PPP2R2D: variants seen among roughly 807,000 people sequenced by gnomAD.
The protein encoded by PPP2R2D is protein phosphatase 2 regulatory subunit Bdelta.
PPP2R2D carries 9 observed loss-of-function variants against 31.1 expected under a neutral mutation model. The ratio of observed to expected loss-of-function variants is 0.29; its 90% confidence interval spans 0.17 to 0.51. The LOEUF (loss-of-function observed/expected upper bound fraction) is 0.51. PPP2R2D is among the 20% of genes least tolerant of loss of function. The probability of loss-of-function intolerance (pLI) is 0.98; values close to 1 mark genes in which losing one functional copy is unlikely to be tolerated. For synonymous variants in PPP2R2D, 179 were observed against 172.6 expected, an observed-to-expected ratio of 1.04 and a Z score of -0.29; for missense variants, 391 against 465.6, an observed-to-expected ratio of 0.84 and a Z score of 1.48.
Position 131,956,450 on chromosome 10 carries a change from C to G in PPP2R2D, c.*487C>G. The stretch of plus-strand genomic sequence containing the variant: ...TGTGGATGTGTGGATGTGGCCCGAG[C>G]AGGCTCAGGCGGCCCCACTCACCCA... On this transcript the variant is annotated 3_prime_UTR_variant, in exon 9 of 9. Transcript: ENST00000455566. 1 of 985,688 alleles carries G rather than the reference C, an allele frequency of 1.0e-6. No homozygotes were observed. The highest frequency in any genetic ancestry group is 1.2e-6 in the Non-Finnish European group (1 of 830,114). 61.1% of individuals were successfully genotyped at this position (985,688 alleles called of 1,614,324 possible).
At chr10:131,931,034 GC>G (rs1455577497) in intron 2 of PPP2R2D, among the ~76,000 whole-genome samples, 4 of 152,172 alleles carry the variant, frequency 2.6e-5, no homozygotes, top group Non-Finnish European at 5.9e-5. Context: ...GGGTGTCCTG[GC>G]TGAGACCAGC....
At chr10:131,951,055 C>CAA (rs1462908689) in intron 8 of PPP2R2D, among the ~76,000 whole-genome samples, 1 of 152,132 alleles carries the variant, frequency 6.6e-6, no homozygotes, top group Non-Finnish European at 1.5e-5. Context: ...CAGAAAAGAG[C>CAA]AAAAACCATG....
chr10:131,943,042 C>T (rs1489408100), intron 5 of PPP2R2D, among the ~76,000 whole-genome samples: 3 of 152,202 alleles, frequency 2.0e-5, no homozygotes, highest in Non-Finnish European at 2.9e-5. Flanking sequence ...TTTCTAATTA[C>T]AAGAATAACA....
At chr10:131,907,156 T>C (rs2035603497) in intron 2 of PPP2R2D, among the ~76,000 whole-genome samples, 1 of 152,178 alleles carries the variant, frequency 6.6e-6, no homozygotes, top group Non-Finnish European at 1.5e-5. Context: ...TATTGATTTC[T>C]TCTGTGTACA....
Position 131,956,392 on chromosome 10 carries a change from C to T in PPP2R2D, c.*429C>T. ...AGCGTGGTGTGGCCACCGTCCGTGTCCTCTCGGCCTTCCTCCGAGTCCAGG... is the reference window on the plus strand; with the variant it reads ...AGCGTGGTGTGGCCACCGTCCGTGTTCTCTCGGCCTTCCTCCGAGTCCAGG... On this transcript the variant is annotated 3_prime_UTR_variant, in exon 9 of 9. Coordinates refer to ENST00000455566, the MANE Select transcript of PPP2R2D (RefSeq NM_018461.5). The T allele has an allele frequency of 1.0e-6, 1 of 986,292 alleles. No homozygotes were observed. The highest frequency in any genetic ancestry group is 1.2e-6 in the Non-Finnish European group (1 of 830,544). The allele number at this position is 986,292 out of a possible 1,614,324, so 61.1% of individuals were successfully genotyped here.
intron 4 of PPP2R2D, among the ~76,000 whole-genome samples, 177 bp downstream of exon 4, chr10:131,940,373 A>ACGTG (rs1409783638): frequency 2.0e-5 from 3 of 151,946 alleles, no homozygotes; most frequent in African/African-American, 7.3e-5. Context: ...CAAAAACCAC[A>ACGTG]CGTGCACTTT....
intron 2 of PPP2R2D, among the ~76,000 whole-genome samples, chr10:131,929,382 G>A (rs2036168328): frequency 6.6e-6 from 1 of 152,218 alleles, no homozygotes; most frequent in Non-Finnish European, 1.5e-5. Context: ...GCTTTGTGTT[G>A]TCTTGAGGCC....
rs782240954 is a variant in PPP2R2D, at chr10:131,945,561, G to A, written c.820+102G>A. On this transcript the variant is annotated intron_variant, in intron 7 of 8. Coordinates refer to ENST00000455566, the MANE Select transcript of PPP2R2D (RefSeq NM_018461.5). This position sits in a 1 kb window ranked among gnomAD's most constrained non-coding sequence, Gnocchi z 4.8. ...GGCAAGCTCCGCCTCCCGGGTTCCA[G>A]CAAGTCTTCTGCCTCGGCCTCCCGA... 13 of 1,387,358 alleles carry A rather than the reference G, an allele frequency of 9.4e-6. No homozygotes were observed. Among genetic ancestry groups the A allele is most frequent in the Non-Finnish European group, 1.3e-5 (13 of 1,030,576 alleles). The allele number at this position is 1,387,358 out of a possible 1,614,324, so 85.9% of individuals were successfully genotyped here.
At chr10:131,917,885 T>G (rs1230730198) in intron 2 of PPP2R2D, among the ~76,000 whole-genome samples, 2 of 129,490 alleles carry the variant, frequency 1.5e-5, no homozygotes, top group Non-Finnish European at 1.7e-5. Flanking sequence ...ACACAGTGTT[T>G]GCAGGGACCT....
intron 8 of PPP2R2D, among the ~76,000 whole-genome samples, chr10:131,952,107 C>T (rs34105061): frequency 0.1 from 13,476 of 132,962 alleles, 798 homozygotes; most frequent in Non-Finnish European, 0.13. Flanking sequence ...CAGGGGGGTT[C>T]GCTGTCTTAG....
At chr10:131,918,227 T>C (rs1385857136) in intron 2 of PPP2R2D, among the ~76,000 whole-genome samples, 1 of 141,272 alleles carries the variant, frequency 7.1e-6, no homozygotes, top group African/African-American at 2.7e-5. Flanking sequence ...AATGACACAG[T>C]GTTTGTAGGG....
Position 131,901,297 on chromosome 10 carries a change from G to C in PPP2R2D, c.67G>C (p.Val23Leu), listed in dbSNP as rs1438873521. The change falls in exon 2 of 9, where the codon GTC becomes CTC. Residue 23 changes from valine to leucine, a missense_variant. By Grantham distance (32) the Val-to-Leu change is conservative (BLOSUM62 1). Transcript: ENST00000455566. Reference sequence around the variant, plus strand: ...CGACTTCCAGTGGTGCTTCTCGCAGGTCAAGGGGGCCATCGACGAGGACGT... The same window carrying C: ...CGACTTCCAGTGGTGCTTCTCGCAGCTCAAGGGGGCCATCGACGAGGACGT... ...GNDFQWCFSQ[V>L]KGAIDEDVAE... is the part of the protein sequence containing the mutation. The C allele has an allele frequency of 2.8e-6, 1 of 360,590 alleles. No homozygotes were observed. The highest frequency in any genetic ancestry group is 4.0e-5 in the East Asian group (1 of 24,710). The allele number at this position is 360,590 out of a possible 1,614,324, so 22.3% of individuals were successfully genotyped here. A position where few individuals can be genotyped will look rare whatever the true frequency, so the allele number is the denominator to read the frequency against.
intron 2 of PPP2R2D, among the ~76,000 whole-genome samples, chr10:131,915,623 T>C (rs936044874): frequency 1.3e-5 from 2 of 152,140 alleles, no homozygotes; most frequent in Non-Finnish European, 2.9e-5. Flanking sequence ...TGAGTGTTTA[T>C]CCAAATAGAT....
rs782508839 is a variant in PPP2R2D, at chr10:131,945,282, C to T, written c.656-13C>T. 5.0e-6 allele frequency: 8 copies of T among 1,610,302 alleles called. No individual in the cohort carries two copies. Among genetic ancestry groups the T allele is most frequent in the Middle Eastern group, 1.7e-4 (1 of 6,046 alleles). Reference sequence around the variant, plus strand: ...GCTGAGCTGAGCACTGTGCCTTAACCATGCACTCCCAGACATCGTGGACAT... The same window carrying T: ...GCTGAGCTGAGCACTGTGCCTTAACTATGCACTCCCAGACATCGTGGACAT... On this transcript the variant is annotated splice_polypyrimidine_tract_variant and intron_variant, in intron 6 of 8. Transcript: ENST00000455566. This position sits in a 1 kb window ranked among gnomAD's most constrained non-coding sequence, Gnocchi z 4.8.
Position 131,957,620 on chromosome 10 carries a change from C to A in PPP2R2D, c.*1657C>A, listed in dbSNP as rs2036828077. 6.6e-6 allele frequency: 1 copy of A among 151,778 alleles called. No homozygotes were observed. The highest frequency in any genetic ancestry group is 2.3e-4 in the East Asian group (1 of 4,362). The allele number at this position is 151,778 out of a possible 1,614,324, so 9.4% of individuals were successfully genotyped here. On this transcript the variant is annotated 3_prime_UTR_variant, in exon 9 of 9. Transcript: ENST00000455566. ...GATGAAGGTGTGTGCTGATCCCCAT[C>A]CCCCTGTGGAGATGAAGGGATATGC...
chr10:131,946,639 A>G (rs541750455), intron 7 of PPP2R2D, among the ~76,000 whole-genome samples: 6 of 152,266 alleles, frequency 3.9e-5, no homozygotes, highest in South Asian at 2.1e-4. Context: ...TTCCAGTTCT[A>G]TTTGTCATCA....
intron 2 of PPP2R2D, among the ~76,000 whole-genome samples, chr10:131,901,825 T>G (rs2035504222): frequency 1.3e-5 from 2 of 152,138 alleles, no homozygotes; most frequent in Admixed American, 1.3e-4. Flanking sequence ...GGTGCGCTCT[T>G]GAGCGAGCTG....
intron 5 of PPP2R2D, among the ~76,000 whole-genome samples, chr10:131,943,095 T>C (rs2036469378): frequency 6.6e-6 from 1 of 152,232 alleles, no homozygotes; most frequent in Non-Finnish European, 1.5e-5. Flanking sequence ...TTAAAGCTTA[T>C]GTTTTTCTTC....
intron 2 of PPP2R2D, among the ~76,000 whole-genome samples, chr10:131,903,661 C>T (rs1041431512): frequency 6.6e-6 from 1 of 152,078 alleles, no homozygotes; most frequent in Non-Finnish European, 1.5e-5. Context: ...TTTGGTTATT[C>T]TGTGTATTCA....
Sources: allele counts gnomAD v4.1 joint callset (sites outside exome capture counted in the v4.1 genomes callset), GRCh38; gene constraint gnomAD v4.1.1; non-coding constraint Gnocchi (gnomAD v3.1); transcripts MANE v1.5; gene names NCBI Gene and HGNC (gene_info 2026-07-23, HGNC 2026-07-21).